COMMD1: variants seen among roughly 807,000 people sequenced by gnomAD.
The protein encoded by COMMD1 is COMM domain-containing protein 1.
COMMD1 carries 10 observed loss-of-function variants against 17.2 expected under a neutral mutation model. That is an observed-to-expected ratio of 0.58 (90% CI 0.36 to 0.99). COMMD1 has a LOEUF of 0.99. COMMD1 is among the 50% of genes least tolerant of loss of function. The probability of loss-of-function intolerance (pLI) is 0.01; values close to 1 mark genes in which losing one functional copy is unlikely to be tolerated. For missense variants in COMMD1, 270 were observed against 231.8 expected (o/e 1.17, Z -1.07); for synonymous variants, 97 against 91.6 (o/e 1.06, Z -0.34).
At chr2:61,970,009 C>G (rs1671604041) in intron 1 of COMMD1, among the ~76,000 whole-genome samples, 1 of 152,006 alleles carries the variant, frequency 6.6e-6, no homozygotes, top group South Asian at 2.1e-4. Flanking sequence ...GTAATCCCAG[C>G]ACTCTGGGAG....
Position 62,109,807 on chromosome 2 carries a change from C to G in COMMD1, c.463-26024C>G, listed in dbSNP as rs1237800869. 2.6e-5 allele frequency among the ~76,000 whole-genome samples: 4 copies of G among 151,858 alleles called. No homozygotes were observed. In the South Asian group the frequency reaches 8.3e-4, roughly 32 times the overall value. On this transcript the variant is annotated intron_variant, in intron 2 of 2. Coordinates refer to ENST00000311832, the MANE Select transcript of COMMD1 (RefSeq NM_152516.4). ...GTGAGAATTGAATTTGGAACTGGGT[C>G]AGCCTCTATCTGTAATTTATTCAGT...
chr2:62,113,544 C>T (rs1443349173), intron 2 of COMMD1, among the ~76,000 whole-genome samples: 1 of 152,104 alleles, frequency 6.6e-6, no homozygotes, highest in Non-Finnish European at 1.5e-5. Flanking sequence ...CCACCACACC[C>T]AGCTAATTTT....
intron 2 of COMMD1, among the ~76,000 whole-genome samples, chr2:62,079,413 C>G (rs1671453263): frequency 6.6e-6 from 1 of 152,160 alleles, no homozygotes; most frequent in Non-Finnish European, 1.5e-5. Flanking sequence ...TTAGGAATGC[C>G]TTTGCTCTCC....
At chr2:61,901,031 C>G (rs1206013868), upstream of COMMD1, among the ~76,000 whole-genome samples, 3 of 152,082 alleles carry the variant, frequency 2.0e-5, no homozygotes, top group Non-Finnish European at 4.4e-5. Context: ...ACTGCAACCT[C>G]CACCTCCTGG....
chr2:61,963,250 C>CAT (rs1671414469), intron 1 of COMMD1, among the ~76,000 whole-genome samples: 3 of 151,104 alleles, frequency 2.0e-5, no homozygotes, highest in Admixed American at 6.6e-5. Context: ...CACACACACA[C>CAT]ATATATATTT....
chr2:62,018,912 T>A (rs967698073), intron 2 of COMMD1, among the ~76,000 whole-genome samples: 1 of 152,184 alleles, frequency 6.6e-6, no homozygotes, highest in Non-Finnish European at 1.5e-5. Flanking sequence ...TGGTCTCTGC[T>A]GCCAAGAGGG....
intron 1 of COMMD1, among the ~76,000 whole-genome samples, chr2:61,898,678 C>G (rs1669600652): frequency 6.6e-6 from 1 of 152,096 alleles, no homozygotes; most frequent in African/African-American, 2.4e-5. Context: ...AAAAAAACAC[C>G]TATTACTTGC....
chr2:62,024,145 A>C (rs1195121813), intron 2 of COMMD1, among the ~76,000 whole-genome samples: 1 of 152,222 alleles, frequency 6.6e-6, no homozygotes, highest in Non-Finnish European at 1.5e-5. Flanking sequence ...CATAGGAAAA[A>C]GTACCAAAAG....
intron 2 of COMMD1, among the ~76,000 whole-genome samples, chr2:62,129,824 T>C (rs986266447): frequency 6.6e-6 from 1 of 152,096 alleles, no homozygotes; most frequent in Non-Finnish European, 1.5e-5. Flanking sequence ...ATTTTAAGCA[T>C]ATGAAAGGAC....
intron 1 of COMMD1, among the ~76,000 whole-genome samples, chr2:61,955,252 G>A (rs994285811): frequency 2.0e-5 from 3 of 151,830 alleles, no homozygotes; most frequent in Admixed American, 6.6e-5. Flanking sequence ...ACTTCGGAAG[G>A]CTGAGGCAGG....
upstream of COMMD1, chr2:61,888,649 C>G: frequency 1.0e-6 from 1 of 982,124 alleles, no homozygotes; most frequent in Non-Finnish European, 1.4e-6. Context: ...GAGGCGGAGG[C>G]GGAGAAGGGG....
intron 1 of COMMD1, among the ~76,000 whole-genome samples, chr2:61,919,802 G>A (rs759703248): frequency 1.3e-5 from 2 of 151,914 alleles, no homozygotes; most frequent in Admixed American, 1.3e-4. Context: ...CTATTGTCTC[G>A]TCTTTTACAG....
At chr2:61,933,151 G>A (rs1223491293) in intron 1 of COMMD1, among the ~76,000 whole-genome samples, 2 of 151,870 alleles carry the variant, frequency 1.3e-5, no homozygotes, top group African/African-American at 4.8e-5. Context: ...CTCCAAAGCT[G>A]CACATCTGAA....
At chr2:62,024,862 A>G (rs1286950481) in intron 2 of COMMD1, among the ~76,000 whole-genome samples, 1 of 152,222 alleles carries the variant, frequency 6.6e-6, no homozygotes, top group Non-Finnish European at 1.5e-5. Flanking sequence ...GCAGTCATTA[A>G]TGCTATTATA....
intron 2 of COMMD1, among the ~76,000 whole-genome samples, chr2:62,130,334 G>A (rs1672997378): frequency 6.6e-6 from 1 of 151,136 alleles, no homozygotes; most frequent in Non-Finnish European, 1.5e-5. Flanking sequence ...GAGTGCAGTG[G>A]CGCAGTCTTG....
At chr2:61,994,421 T>C (rs1668688935) in intron 1 of COMMD1, among the ~76,000 whole-genome samples, 1 of 152,234 alleles carries the variant, frequency 6.6e-6, no homozygotes, top group Admixed American at 6.5e-5. Context: ...ATTTACCATA[T>C]AATTTTTTAT....
intron 2 of COMMD1, among the ~76,000 whole-genome samples, chr2:62,126,421 C>G: frequency 6.6e-6 from 1 of 152,166 alleles, no homozygotes; most frequent in East Asian, 1.9e-4. Flanking sequence ...TCTCCACAAC[C>G]TTACTAGCAT....
At position 61,905,926 on chromosome 2, in the gene COMMD1, C is replaced by G. The variant is rs956821260; in HGVS notation, c.180+68C>G. 8 of 1,503,630 alleles carry G rather than the reference C, an allele frequency of 5.3e-6. No individual in the cohort carries two copies. The South Asian group carries it at 8.0e-5, about 15-fold the overall frequency. The allele number at this position is 1,503,630 out of a possible 1,614,324, so 93.1% of individuals were successfully genotyped here. ...TTGGCCGCTGGCTTCAGACTCTCCC[C>G]CCCTTGCCTTCCCCTGTCCTCACAA... On this transcript the variant is annotated intron_variant, in intron 1 of 2. Coordinates refer to ENST00000311832, the MANE Select transcript of COMMD1 (RefSeq NM_152516.4).
intron 2 of COMMD1, among the ~76,000 whole-genome samples, chr2:62,085,870 C>T (rs1014419431): frequency 2.6e-5 from 4 of 151,984 alleles, no homozygotes; most frequent in Non-Finnish European, 5.9e-5. Context: ...CCCAGCTACT[C>T]AGGACGCTGA....
Sources: gnomAD v4.1 joint callset for allele counts (sites outside exome capture counted in the v4.1 genomes callset) on GRCh38, gnomAD v4.1.1 for gene constraint, MANE v1.5 for transcripts, NCBI Gene and HGNC (gene_info 2026-07-23, HGNC 2026-07-21) for gene names.